The following NPSR1 variants were observed in gnomAD, a reference collection of about 807,000 sequenced individuals.
NPSR1 encodes neuropeptide S receptor.
Under a neutral mutation model 46.9 loss-of-function variants are expected in NPSR1, and 48 were observed. The ratio of observed to expected loss-of-function variants is 1.02; its 90% CI spans 0.81 to 1.30. The LOEUF (loss-of-function observed/expected upper bound fraction) is 1.30. Ranked by LOEUF, NPSR1 falls within the 50% of genes most tolerant of loss-of-function variation. The probability of loss-of-function intolerance (pLI) is 0.00; values close to 1 mark genes in which losing one functional copy is unlikely to be tolerated. For synonymous variants in NPSR1, 176 were observed against 168.1 expected (o/e 1.05, Z -0.36); for missense variants, 450 against 449.5 (o/e 1.00, Z -0.01).
In NPSR1 at chr7:34,819,203, A is replaced by T. The variant is rs186211654; in HGVS notation, c.478+7340A>T. On this transcript the variant is annotated intron_variant, in intron 4 of 8. Coordinates refer to ENST00000360581, the MANE Select transcript of NPSR1 (RefSeq NM_207172.2). ...GGGCTAATATCCAGAATCTACAAAG[A>T]ACTCAAACAAATTTACAAGAGAAAA... Among the ~76,000 whole-genome samples the T allele has an allele frequency of 4.3e-3, 648 of 152,312 alleles. 2 individuals are homozygous for T. The highest frequency in any genetic ancestry group is 0.015 in the African/African-American group (625 of 41,562).
At chr7:34,843,506 T>A (rs1201707664) in intron 6 of NPSR1, among the ~76,000 whole-genome samples, 1 of 152,014 alleles carries the variant, frequency 6.6e-6, no homozygotes, top group Non-Finnish European at 1.5e-5. Context: ...TACACATGAG[T>A]TTTCGCAGGG....
Position 34,721,403 on chromosome 7 carries a change from C to T in NPSR1, c.280+36719C>T, listed in dbSNP as rs138743079. 5.6e-3 allele frequency among the ~76,000 whole-genome samples: 853 copies of T among 152,168 alleles called. 8 individuals are homozygous for T. The highest frequency in any genetic ancestry group is 0.02 in the African/African-American group (825 of 41,548). On this transcript the variant is annotated intron_variant, in intron 2 of 8. Transcript: ENST00000360581. The stretch of plus-strand genomic sequence containing the variant: ...AACCCTTCCTGAGCTTAATAAAAGA[C>T]GGAGGAGGAGTCTTGTGTGAACAAA...
At chr7:34,804,946 C>T (rs1224274833) in intron 3 of NPSR1, among the ~76,000 whole-genome samples, 1 of 151,536 alleles carries the variant, frequency 6.6e-6, no homozygotes, top group Non-Finnish European at 1.5e-5. Context: ...TTTATGTGAA[C>T]ACCAAAAAAT....
At chr7:34,832,407 C>T (rs1430223413) in intron 5 of NPSR1, among the ~76,000 whole-genome samples, 1 of 152,078 alleles carries the variant, frequency 6.6e-6, no homozygotes, top group Non-Finnish European at 1.5e-5. Context: ...GTGGCGCACA[C>T]TGGTAGTTCC....
At chr7:34,764,534 C>A (rs191945375) in intron 2 of NPSR1, among the ~76,000 whole-genome samples, 19 of 152,260 alleles carry the variant, frequency 1.2e-4, no homozygotes, top group Admixed American at 2.6e-4. Flanking sequence ...AGAGACTATA[C>A]GCAAGTGTGC....
intron 3 of NPSR1, among the ~76,000 whole-genome samples, chr7:34,791,313 TACACAAA>T (rs940876959): frequency 4.9e-5 from 7 of 144,128 alleles, no homozygotes; most frequent in African/African-American, 1.5e-4. Context: ...ATAATATATA[TACACAAA>T]ACACAAAACA....
chr7:34,688,599 G>T lies in NPSR1; in HGVS notation c.280+3915G>T, dbSNP rs565488273. ...GTAATTCCAGCCATTTAACACACCTGCCCCAATGGACTAGGAGTTTGAGCC... is the reference window on the plus strand; with the variant it reads ...GTAATTCCAGCCATTTAACACACCTTCCCCAATGGACTAGGAGTTTGAGCC... On this transcript the variant is annotated intron_variant, in intron 2 of 8. Coordinates refer to ENST00000360581, the MANE Select transcript of NPSR1 (RefSeq NM_207172.2). Among the ~76,000 whole-genome samples the T allele has an allele frequency of 2.0e-5, 3 of 152,220 alleles. No individual in the cohort carries two copies. The South Asian group carries it at 6.2e-4, about 32-fold the overall frequency.
intron 1 of NPSR1, among the ~76,000 whole-genome samples, chr7:34,659,018 G>A (rs1434013199): frequency 1.3e-5 from 2 of 152,168 alleles, no homozygotes; most frequent in Non-Finnish European, 1.5e-5. Flanking sequence ...CAGGAAGGAC[G>A]ACACTTTCTT....
intron 2 of NPSR1, among the ~76,000 whole-genome samples, chr7:34,726,250 T>C (rs1018668420): frequency 2.0e-5 from 3 of 152,112 alleles, no homozygotes; most frequent in Non-Finnish European, 4.4e-5. Context: ...CAAATGAACA[T>C]ATGAAAAGAT....
chr7:34,778,200 T>G (rs758218218), intron 2 of NPSR1, among the ~76,000 whole-genome samples: 5 of 152,176 alleles, frequency 3.3e-5, no homozygotes, highest in African/African-American at 9.7e-5. Flanking sequence ...AAGTCAACTC[T>G]ATGATTAGCA....
intron 8 of NPSR1, among the ~76,000 whole-genome samples, chr7:34,866,590 G>C (rs55844009): frequency 0.066 from 10,026 of 151,400 alleles, 498 homozygotes; most frequent in Middle Eastern, 0.2. Context: ...CAACTCAGTT[G>C]CACAATTGCA....
chr7:34,742,172 T>TG (rs1784973564), intron 2 of NPSR1, among the ~76,000 whole-genome samples: 1 of 75,036 alleles, frequency 1.3e-5, no homozygotes, highest in Non-Finnish European at 3.6e-5. Flanking sequence ...ATCTCTCTCC[T>TG]TTTTTTTTTT....
chr7:34,703,433 G>A (rs973274494), intron 2 of NPSR1, among the ~76,000 whole-genome samples: 2 of 151,394 alleles, frequency 1.3e-5, no homozygotes, highest in Admixed American at 6.6e-5. Flanking sequence ...TTTAGCCAGC[G>A]CATCAGAGAA....
chr7:34,701,921 T>G (rs1793849848), intron 2 of NPSR1, among the ~76,000 whole-genome samples: 1 of 152,220 alleles, frequency 6.6e-6, no homozygotes, highest in South Asian at 2.1e-4. Context: ...TTTTCTTTAT[T>G]GAGTTGATGA....
intron 3 of NPSR1, among the ~76,000 whole-genome samples, chr7:34,789,255 C>A (rs1781461966): frequency 6.6e-6 from 1 of 151,626 alleles, no homozygotes; most frequent in South Asian, 2.1e-4. Context: ...GAAGAAGAGT[C>A]AGGGTTTCCC....
intron 6 of NPSR1, among the ~76,000 whole-genome samples, chr7:34,836,038 T>C (rs1308877896): frequency 6.6e-6 from 1 of 152,166 alleles, no homozygotes; most frequent in African/African-American, 2.4e-5. Flanking sequence ...GACTGACCAG[T>C]GTAACCAAGA....
chr7:34,856,952 C>T (rs1264470880), intron 8 of NPSR1, among the ~76,000 whole-genome samples: 1 of 151,402 alleles, frequency 6.6e-6, no homozygotes, highest in Non-Finnish European at 1.5e-5. Context: ...TCTCTAAGGG[C>T]CTTTTAATTC....
chr7:34,841,245 C>T (rs1406483815), intron 6 of NPSR1, among the ~76,000 whole-genome samples: 1 of 152,160 alleles, frequency 6.6e-6, no homozygotes, highest in Non-Finnish European at 1.5e-5. Context: ...AACAATTCTG[C>T]TTCCATTTGA....
chr7:34,783,884 C>T (rs946361296), intron 3 of NPSR1, among the ~76,000 whole-genome samples: 1 of 151,936 alleles, frequency 6.6e-6, no homozygotes, highest in Non-Finnish European at 1.5e-5. Flanking sequence ...AAACAAACTG[C>T]CAACCAAAAA....
Sources: gnomAD v4.1 joint callset for allele counts (sites outside exome capture counted in the v4.1 genomes callset) on GRCh38, gnomAD v4.1.1 for gene constraint, MANE v1.5 for transcripts, NCBI Gene and HGNC (gene_info 2026-07-23, HGNC 2026-07-21) for gene names.